Variants in AKR1C8 observed in about 807,000 individuals in gnomAD.
AKR1C8 encodes aldo-keto reductase family 1 member C8, also known as aldo-keto reductase family 1 member C-like protein 1.
the AKR1C8 span, among the ~76,000 whole-genome samples, chr10:5,168,310 C>T: frequency 1.9e-4 from 29 of 152,068 alleles, no homozygotes; most frequent in South Asian, 4.6e-3. Context: ...GAAATGACCC[C>T]CCAGAAAACC....
At chr10:5,140,315 A>G in the AKR1C8 span, among the ~76,000 whole-genome samples, 1 of 152,232 alleles carries the variant, frequency 6.6e-6, no homozygotes, top group Admixed American at 6.5e-5. Context: ...CCAAAGGATT[A>G]TAAATCATGC....
the AKR1C8 span, among the ~76,000 whole-genome samples, chr10:5,139,995 T>C: frequency 0.33 from 50,466 of 151,996 alleles, 8,972 homozygotes; most frequent in Non-Finnish European, 0.36. Flanking sequence ...AGGACATGAA[T>C]AGACACTTCT....
At chr10:5,183,466 T>C in the AKR1C8 span, among the ~76,000 whole-genome samples, 1 of 152,166 alleles carries the variant, frequency 6.6e-6, no homozygotes, top group African/African-American at 2.4e-5. Context: ...TGTACTCTAA[T>C]AGCCCAAATT....
the AKR1C8 span, among the ~76,000 whole-genome samples, chr10:5,130,049 CA>C: frequency 1.3e-5 from 2 of 151,836 alleles, no homozygotes; most frequent in East Asian, 3.9e-4. Flanking sequence ...AATGCATCAG[CA>C]TATCAAAAAG....
the AKR1C8 span, among the ~76,000 whole-genome samples, chr10:5,124,664 C>T: frequency 2.0e-5 from 3 of 151,986 alleles, no homozygotes; most frequent in African/African-American, 7.2e-5. Flanking sequence ...ATTAAAACAT[C>T]ATTGCTATAT....
the AKR1C8 span, chr10:5,160,989 G>C: frequency 2.3e-6 from 1 of 429,916 alleles, no homozygotes; most frequent in South Asian, 1.7e-5. Flanking sequence ...AGTTTCAGGA[G>C]GTGGTGATTA....
At chr10:5,170,889 A>T in the AKR1C8 span, among the ~76,000 whole-genome samples, 5 of 152,262 alleles carry the variant, frequency 3.3e-5, no homozygotes, top group African/African-American at 1.2e-4. Flanking sequence ...TAGTTTCCAA[A>T]TTTTGGAGAA....
At chr10:5,121,207 C>G in the AKR1C8 span, among the ~76,000 whole-genome samples, 2 of 152,156 alleles carry the variant, frequency 1.3e-5, no homozygotes, top group Non-Finnish European at 2.9e-5. Flanking sequence ...TCTCCTCAAT[C>G]CTGAGATCCT....
the AKR1C8 span, chr10:5,158,543 G>C: frequency 2.4e-6 from 1 of 411,918 alleles, no homozygotes; most frequent in African/African-American, 2.1e-5. Flanking sequence ...TTTAATAGGA[G>C]TTTTTCAGCA....
chr10:5,163,764 A>G, the AKR1C8 span, among the ~76,000 whole-genome samples: 1 of 152,204 alleles, frequency 6.6e-6, no homozygotes, highest in Non-Finnish European at 1.5e-5. Context: ...GGCCCAACAT[A>G]AAAACACATT....
the AKR1C8 span, among the ~76,000 whole-genome samples, chr10:5,118,299 A>C: frequency 8.1e-6 from 1 of 123,548 alleles, no homozygotes; most frequent in South Asian, 2.3e-4. Context: ...CAGACATTAA[A>C]CTTAAAGTTT....
the AKR1C8 span, among the ~76,000 whole-genome samples, chr10:5,136,335 A>T: frequency 6.6e-6 from 1 of 152,058 alleles, no homozygotes; most frequent in African/African-American, 2.4e-5. Context: ...ATCACTTGAG[A>T]TCCAGTGTTC....
At chr10:5,146,335 C>T in the AKR1C8 span, among the ~76,000 whole-genome samples, 2 of 151,788 alleles carry the variant, frequency 1.3e-5, no homozygotes, top group Non-Finnish European at 2.9e-5. Context: ...TACCCTAAAA[C>T]TTAAAGTATA....
chr10:5,139,494 C>A, the AKR1C8 span, among the ~76,000 whole-genome samples: 1 of 152,138 alleles, frequency 6.6e-6, no homozygotes, highest in Non-Finnish European at 1.5e-5. Flanking sequence ...AGAAATATCA[C>A]CACACCTCTA....
chr10:5,135,590 C>G, the AKR1C8 span, among the ~76,000 whole-genome samples: 1 of 152,092 alleles, frequency 6.6e-6, no homozygotes, highest in Non-Finnish European at 1.5e-5. Flanking sequence ...CATCTATCAT[C>G]TGTCTATCTC....
the AKR1C8 span, among the ~76,000 whole-genome samples, chr10:5,141,619 G>C: frequency 2.0e-5 from 3 of 152,090 alleles, no homozygotes; most frequent in Non-Finnish European, 4.4e-5. Context: ...AATAAATATT[G>C]TGAAAGCAGT....
chr10:5,172,276 G>T, the AKR1C8 span, among the ~76,000 whole-genome samples: 1 of 151,954 alleles, frequency 6.6e-6, no homozygotes, highest in Non-Finnish European at 1.5e-5. Context: ...TTTCTGATAT[G>T]CCTTAATTTT....
chr10:5,157,672 T>G, the AKR1C8 span: 2 of 472,744 alleles, frequency 4.2e-6, no homozygotes, highest in Non-Finnish European at 8.8e-6. Flanking sequence ...AGAGAAGCTC[T>G]TGGCCAGCAC....
chr10:5,180,029 G>C, the AKR1C8 span, among the ~76,000 whole-genome samples: 228 of 152,284 alleles, frequency 1.5e-3, 2 homozygotes, highest in African/African-American at 4.5e-3. Context: ...AACTGCGTTC[G>C]TTTGGAGGAG....
Sources: allele counts gnomAD v4.1 joint callset (sites outside exome capture counted in the v4.1 genomes callset), GRCh38; gene constraint gnomAD v4.1.1; transcripts MANE v1.5; gene names NCBI Gene and HGNC (gene_info 2026-07-23, HGNC 2026-07-21).